PCBP3: variants seen among roughly 807,000 people sequenced by gnomAD.
PCBP3 encodes the protein poly(rC)-binding protein 3.
In PCBP3, 25 loss-of-function variants were observed where a neutral mutation model predicts 52.7. The observed-to-expected ratio is 0.47, with a 90% CI of 0.35 to 0.66. The LOEUF is 0.66. Ranked by LOEUF, PCBP3 falls within the 30% of genes least tolerant of loss-of-function variation. PCBP3 has a pLI of 0.01. For synonymous variants in PCBP3, 162 were observed against 183.0 expected (o/e 0.89, Z 0.93); for missense variants, 391 against 490.3 (o/e 0.80, Z 1.91).
intron 4 of PCBP3, among the ~76,000 whole-genome samples, chr21:45,797,456 A>G (rs2091990442): frequency 6.6e-6 from 1 of 151,756 alleles, no homozygotes; most frequent in African/African-American, 2.4e-5. Flanking sequence ...CAGAGAGTGA[A>G]TGCATGGATA....
chr21:45,907,597 G>T (rs1434557209), intron 9 of PCBP3, among the ~76,000 whole-genome samples: 1 of 152,200 alleles, frequency 6.6e-6, no homozygotes, highest in Non-Finnish European at 1.5e-5. Context: ...TTTGTTGACA[G>T]AGTTCAGGTA....
intron 1 of PCBP3, among the ~76,000 whole-genome samples, chr21:45,648,385 C>CT (rs2079459563): frequency 6.6e-6 from 1 of 152,210 alleles, no homozygotes; most frequent in Admixed American, 6.5e-5. Context: ...GTTCTATTCT[C>CT]TATTTCACCT....
At position 45,737,393 on chromosome 21, in the gene PCBP3, A is replaced by G. The variant is rs1462171610; in HGVS notation, c.-162+1964A>G. ...ACAAATCTGGATCTAATTTTCACCA[A>G]ACTCTCAAGGGAAGAGCCTCTGGGA... On this transcript the variant is annotated intron_variant, in intron 3 of 17. Transcript: ENST00000681687. This position sits in a 1 kb window ranked among gnomAD's most constrained non-coding sequence, Gnocchi z 4.9. 1.3e-5 allele frequency among the ~76,000 whole-genome samples: 2 copies of G among 152,188 alleles called. No homozygotes were observed. The highest frequency in any genetic ancestry group is 4.8e-5 in the African/African-American group (2 of 41,452).
chr21:45,769,075 T>A (rs939965935), intron 4 of PCBP3, among the ~76,000 whole-genome samples: 2 of 152,370 alleles, frequency 1.3e-5, no homozygotes, highest in Middle Eastern at 6.8e-3. Flanking sequence ...GGCTACAGAC[T>A]GCATTGCCTG....
intron 4 of PCBP3, among the ~76,000 whole-genome samples, chr21:45,772,730 A>ATTT (rs1012537760): frequency 3.3e-5 from 5 of 151,982 alleles, no homozygotes; most frequent in African/African-American, 1.2e-4. Context: ...AACACCTGTT[A>ATTT]TTTTTTTATT....
chr21:45,785,937 T>C (rs1006952979), intron 4 of PCBP3, among the ~76,000 whole-genome samples: 2 of 150,180 alleles, frequency 1.3e-5, no homozygotes, highest in African/African-American at 4.9e-5. Context: ...GAAGGCAGCA[T>C]GCTCGTTAAG....
At chr21:45,876,324 G>A (rs763664021) in intron 5 of PCBP3, among the ~76,000 whole-genome samples, 3 of 152,182 alleles carry the variant, frequency 2.0e-5, no homozygotes, top group Non-Finnish European at 4.4e-5. Flanking sequence ...ACACTCTTAC[G>A]TGGTTCCCAA....
chr21:45,934,771 C>T (rs904815180), intron 15 of PCBP3, among the ~76,000 whole-genome samples: 7 of 152,144 alleles, frequency 4.6e-5, no homozygotes, highest in African/African-American at 9.7e-5. Context: ...GGGGCACTGT[C>T]GGGTAGAGCC....
chr21:45,738,356 G>A lies in PCBP3; in HGVS notation c.-162+2927G>A, dbSNP rs543660769. Among the ~76,000 whole-genome samples the A allele has an allele frequency of 1.2e-3, 175 of 149,790 alleles. 1 individual carries two copies. The highest frequency in any genetic ancestry group is 1.7e-3 in the Non-Finnish European group (114 of 67,670). On this transcript the variant is annotated intron_variant, in intron 3 of 17. Transcript: ENST00000681687. The stretch of plus-strand genomic sequence containing the variant: ...TTCAAGCTCCGCCTCCCGGGTTCAC[G>A]CCATTCTCCTACCTCAGCCTCCTGA...
At chr21:45,743,506 G>A (rs1159095362) in intron 3 of PCBP3, among the ~76,000 whole-genome samples, 2 of 152,160 alleles carry the variant, frequency 1.3e-5, no homozygotes, top group African/African-American at 4.8e-5. Context: ...TCTCTCAATG[G>A]AGTGAATTCT....
At chr21:45,758,557 C>T (rs1340026207) in intron 4 of PCBP3, among the ~76,000 whole-genome samples, 1 of 151,988 alleles carries the variant, frequency 6.6e-6, no homozygotes, top group African/African-American at 2.4e-5. Flanking sequence ...TTTTGCTTTT[C>T]CATGCTATTA....
In PCBP3 at chr21:45,900,572, G is replaced by A. The variant is rs1444717305; in HGVS notation, c.190-19G>A. 2 of 1,594,656 alleles carry A rather than the reference G, an allele frequency of 1.3e-6. No individual in the cohort carries two copies. Among genetic ancestry groups the A allele is most frequent in the Non-Finnish European group, 1.7e-6 (2 of 1,166,410 alleles). On this transcript the variant is annotated intron_variant, in intron 7 of 17. Transcript: ENST00000681687. ...GCCAGAGGGATACCTTTTCCTTATT[G>A]TCTAAATCTTTATTCCAGAAAGGAG...
chr21:45,818,150 G>T (rs1436569076), intron 4 of PCBP3, among the ~76,000 whole-genome samples: 1 of 152,116 alleles, frequency 6.6e-6, no homozygotes, highest in Non-Finnish European at 1.5e-5. Context: ...AGCCTCCCGA[G>T]TAGCTGGGAC....
intron 1 of PCBP3, among the ~76,000 whole-genome samples, chr21:45,662,817 G>A (rs1465525395): frequency 1.3e-5 from 2 of 152,120 alleles, no homozygotes; most frequent in South Asian, 2.1e-4. Flanking sequence ...TAGCGGTAAT[G>A]CCAGTGTCTG....
At chr21:45,862,420 T>C (rs1047528537) in intron 5 of PCBP3, among the ~76,000 whole-genome samples, 152 of 152,262 alleles carry the variant, frequency 1.0e-3, no homozygotes, top group African/African-American at 3.6e-3. Flanking sequence ...CAAACATGGT[T>C]GGTTACTATT....
chr21:45,941,736 C>A lies in PCBP3; in HGVS notation c.*30C>A. The A allele has an allele frequency of 6.3e-7, 1 of 1,590,686 alleles. No homozygotes were observed. The highest frequency in any genetic ancestry group is 8.6e-7 in the Non-Finnish European group (1 of 1,167,042). Reference sequence around the variant, plus strand: ...ACCCAGCACCCTTCCCCCGCGTCACCCACCTGCCAGAGCCTAAGGCCCCCG... The same window carrying A: ...ACCCAGCACCCTTCCCCCGCGTCACACACCTGCCAGAGCCTAAGGCCCCCG... On this transcript the variant is annotated 3_prime_UTR_variant, in exon 18 of 18. Coordinates refer to ENST00000681687, the MANE Select transcript of PCBP3 (RefSeq NM_001384156.1).
intron 5 of PCBP3, among the ~76,000 whole-genome samples, chr21:45,890,313 G>A (rs2095621319): frequency 6.6e-6 from 1 of 152,258 alleles, no homozygotes; most frequent in Admixed American, 6.5e-5. Context: ...GCAGCTGAGG[G>A]AAATGTGGAT....
intron 2 of PCBP3, among the ~76,000 whole-genome samples, chr21:45,693,429 T>A (rs1476176981): frequency 6.6e-6 from 1 of 152,070 alleles, no homozygotes; most frequent in Non-Finnish European, 1.5e-5. Flanking sequence ...CCAGAGGCAG[T>A]GGAGGGAATA....
rs2096156309 is a variant in PCBP3, at chr21:45,904,756, T to C, written c.339+3643T>C. ...AAGTGAACACTGGTTAAAATCTACCTGAAGGTGCTCAGAGGGCCCTTGAGT... is the reference window on the plus strand; with the variant it reads ...AAGTGAACACTGGTTAAAATCTACCCGAAGGTGCTCAGAGGGCCCTTGAGT... On this transcript the variant is annotated intron_variant, in intron 9 of 17. Coordinates refer to ENST00000681687, the MANE Select transcript of PCBP3 (RefSeq NM_001384156.1). The surrounding 1 kb of genome is among the most constrained non-coding windows in gnomAD (Gnocchi z 4.8). Among the ~76,000 whole-genome samples, 1 of 152,196 alleles carries C rather than the reference T, an allele frequency of 6.6e-6. No homozygotes were observed. The highest frequency in any genetic ancestry group is 1.5e-5 in the Non-Finnish European group (1 of 68,034).
Sources: gnomAD v4.1 joint callset for allele counts (sites outside exome capture counted in the v4.1 genomes callset) on GRCh38, gnomAD v4.1.1 for gene constraint, Gnocchi (gnomAD v3.1) non-coding constraint, MANE v1.5 for transcripts, NCBI Gene and HGNC (gene_info 2026-07-23, HGNC 2026-07-21) for gene names.